MFAP1: variants seen among roughly 807,000 people sequenced by gnomAD.
The protein encoded by MFAP1 is microfibrillar-associated protein 1.
Under a neutral mutation model 62.2 loss-of-function variants are expected in MFAP1, and 18 were observed. That is an observed-to-expected ratio of 0.29 (90% CI 0.20 to 0.43). MFAP1 has a LOEUF of 0.43. Among genes scored for constraint, MFAP1 ranks in the 20% least tolerant of loss-of-function variants. MFAP1 has a pLI of 1.00. For missense variants in MFAP1, 355 were observed against 559.7 expected, an observed-to-expected ratio of 0.63 and a Z score of 3.69; for synonymous variants, 175 against 180.4, an observed-to-expected ratio of 0.97 and a Z score of 0.24.
At chr15:43,822,518 C>T (rs922351667) in intron 1 of MFAP1, among the ~76,000 whole-genome samples, 2 of 152,014 alleles carry the variant, frequency 1.3e-5, no homozygotes, top group East Asian at 1.9e-4. Flanking sequence ...GGATTACAGG[C>T]GTGCGCCATC....
chr15:43,820,133 C>T (rs566949875), intron 1 of MFAP1, among the ~76,000 whole-genome samples: 1 of 151,810 alleles, frequency 6.6e-6, no homozygotes, highest in African/African-American at 2.4e-5. Flanking sequence ...GGCAAGAGAG[C>T]GAGACTCCGT....
intron 1 of MFAP1, among the ~76,000 whole-genome samples, chr15:43,820,020 T>C (rs1396697196): frequency 1.3e-5 from 2 of 152,088 alleles, no homozygotes; most frequent in African/African-American, 4.8e-5. Context: ...TGGTGGCGAG[T>C]GCCTGTAGTC....
chr15:43,814,759 CA>C (rs2087423824), intron 3 of MFAP1, 71 bp from the exon 4 acceptor site: 1 of 1,537,482 alleles, frequency 6.5e-7, no homozygotes, highest in Non-Finnish European at 8.8e-7. Flanking sequence ...TCAAACACAA[CA>C]AATTCAAATG....
intron 2 of MFAP1, among the ~76,000 whole-genome samples, chr15:43,815,588 C>T (rs1258241186): frequency 3.3e-5 from 5 of 151,756 alleles, no homozygotes; most frequent in Admixed American, 1.3e-4. Flanking sequence ...TATGTTGAGG[C>T]ATCCTGGGGC....
intron 2 of MFAP1, among the ~76,000 whole-genome samples, chr15:43,816,230 T>TA (rs1448864174): frequency 6.9e-5 from 10 of 145,068 alleles, no homozygotes; most frequent in Admixed American, 3.0e-4. Context: ...GTAATTTTAT[T>TA]TTTTTTTCTT....
intron 1 of MFAP1, among the ~76,000 whole-genome samples, chr15:43,819,540 A>T (rs139453725): frequency 0.012 from 1,816 of 151,812 alleles, 28 homozygotes; most frequent in East Asian, 0.042. Flanking sequence ...TTATTTATTT[A>T]TTTTTTTTGA....
At chr15:43,808,451 C>A (rs2087379204) in intron 7 of MFAP1, among the ~76,000 whole-genome samples, 1 of 152,178 alleles carries the variant, frequency 6.6e-6, no homozygotes, top group African/African-American at 2.4e-5. Context: ...GGCCTTGCCT[C>A]CCAAAATGTT....
intron 1 of MFAP1, among the ~76,000 whole-genome samples, chr15:43,818,306 AC>A (rs2087446962): frequency 6.6e-6 from 1 of 152,162 alleles, no homozygotes; most frequent in African/African-American, 2.4e-5. Context: ...GGCGTGAGCC[AC>A]AGCACCCAGC....
Position 43,814,981 on chromosome 15 carries a change from G to A in MFAP1, c.393C>T (p.Asp131=). ...EGDAWRMERE[D]SSEEEEEEID... The stretch of plus-strand genomic sequence containing the variant: ...TTTCCTCCTCCTCTTCTTCACTGCT[G>A]TCTTCTCGTTCCATGCGCCAAGCAT... The change falls in exon 3 of 9, where the codon GAC becomes GAT. Residue 131 remains aspartate (D), a synonymous_variant. Transcript: ENST00000267812. 1 of 1,614,008 alleles carries A rather than the reference G, an allele frequency of 6.2e-7. No individual in the cohort carries two copies. Among genetic ancestry groups the A allele is most frequent in the Non-Finnish European group, 8.5e-7 (1 of 1,180,014 alleles).
rs192479351 is a variant in MFAP1 at position 43,817,166 on chromosome 15, C to T, written c.299+63G>A. On this transcript the variant is annotated intron_variant, in intron 2 of 8. Coordinates refer to ENST00000267812, the MANE Select transcript of MFAP1 (RefSeq NM_005926.3). ...CTTGGTAGTACTATTCAAGTATTAGCTATTATTATTATTATTAAGCTGTAG... is the reference window on the plus strand; with the variant it reads ...CTTGGTAGTACTATTCAAGTATTAGTTATTATTATTATTATTAAGCTGTAG... 6.4e-4 allele frequency: 914 copies of T among 1,428,762 alleles called. 15 individuals are homozygous for T. The East Asian group carries it at 0.016, about 25-fold the overall frequency. 88.5% of individuals were successfully genotyped at this position (1,428,762 alleles called of 1,614,324 possible). A position where few individuals can be genotyped will look rare whatever the true frequency, so the allele number is the denominator to read the frequency against.
chr15:43,819,214 C>G (rs1302834677), intron 1 of MFAP1, among the ~76,000 whole-genome samples: 1 of 151,420 alleles, frequency 6.6e-6, no homozygotes, highest in African/African-American at 2.4e-5. Flanking sequence ...CAAAACAAAA[C>G]AAAATTCCAA....
At chr15:43,814,886 C>T in intron 3 of MFAP1, 59 bp downstream of exon 3, 1 of 1,600,360 alleles carries the variant, frequency 6.2e-7, no homozygotes, top group Non-Finnish European at 8.5e-7. Flanking sequence ...AACAAATGAG[C>T]ACTGGCATGA....
At chr15:43,812,877 C>T in intron 6 of MFAP1, 110 bp downstream of exon 6, 2 of 1,281,206 alleles carry the variant, frequency 1.6e-6, no homozygotes, top group Non-Finnish European at 2.2e-6. Flanking sequence ...GCAACAAGAA[C>T]TCTGAAGGTG....
chr15:43,814,631 C>T lies in MFAP1; in HGVS notation c.487G>A (p.Glu163Lys). The T allele has an allele frequency of 6.2e-7, 1 of 1,614,176 alleles. No homozygotes were observed. The highest frequency in any genetic ancestry group is 8.5e-7 in the Non-Finnish European group (1 of 1,180,034). Residue 163 changes from glutamate (E) to lysine (K), a missense_variant, in exon 4 of 9, where the codon GAG (glutamate) becomes AAG (lysine). This residue lies in a region of MFAP1 where 257 missense variants were observed against 341.3 expected (regional missense o/e 0.75). Coordinates refer to ENST00000267812, the MANE Select transcript of MFAP1 (RefSeq NM_005926.3). Reference sequence around the variant, plus strand: ...TCTTCCACTTCCATGACTTCCATCTCTTCATTTTTTCTCTCCTGTGCTCGC... The same window carrying T: ...TCTTCCACTTCCATGACTTCCATCTTTTCATTTTTTCTCTCCTGTGCTCGC... The part of the protein sequence containing the change: ...RQRAQERKNE[E>K]MEVMEVEDEG...
intron 6 of MFAP1, among the ~76,000 whole-genome samples, chr15:43,812,100 A>C (rs1327321835): frequency 6.6e-6 from 1 of 151,964 alleles, no homozygotes; most frequent in Non-Finnish European, 1.5e-5. Context: ...TGAGGCAGGA[A>C]AATCACTTGA....
At position 43,822,200 on chromosome 15, in the gene MFAP1, C is replaced by CAA. The variant is rs779775224; in HGVS notation, c.79+2289_79+2290dup. ...GGTCAACAAGAGTGAAACTCTTTCT[C>CAA]AAAAAAAAAAAAAAAAAAAGCCCAG... is the stretch of plus-strand genomic sequence containing the variant. On this transcript the variant is annotated intron_variant, in intron 1 of 8. Transcript: ENST00000267812. Among the ~76,000 whole-genome samples the CAA allele has an allele frequency of 6.7e-3, 442 of 65,766 alleles. 8 individuals are homozygous for CAA. The highest frequency in any genetic ancestry group is 0.016 in the African/African-American group (338 of 20,730). The allele number at this position is 65,766 out of a possible 152,430, so 43.1% of individuals were successfully genotyped here. A position where few individuals can be genotyped will look rare whatever the true frequency, so the allele number is the denominator to read the frequency against.
intron 6 of MFAP1, 139 bp downstream of exon 6, chr15:43,812,848 A>G: frequency 5.9e-6 from 6 of 1,022,604 alleles, no homozygotes; most frequent in Middle Eastern, 2.7e-4. Flanking sequence ...TCATATTCCA[A>G]TTATAGGAAA....
intron 4 of MFAP1, 111 bp from the exon 5 acceptor site, chr15:43,813,468 A>G: frequency 1.1e-6 from 1 of 949,676 alleles, no homozygotes; most frequent in Non-Finnish European, 1.5e-6. Context: ...CTTTGGCTCT[A>G]TTATTTTCAA....
intron 4 of MFAP1, 121 bp from the exon 5 acceptor site, chr15:43,813,478 A>G: frequency 4.2e-6 from 4 of 943,456 alleles, no homozygotes; most frequent in Non-Finnish European, 6.1e-6. Flanking sequence ...ATTATTTTCA[A>G]AGAGCAAAAA....
Sources: allele counts gnomAD v4.1 joint callset (sites outside exome capture counted in the v4.1 genomes callset), GRCh38; gene constraint gnomAD v4.1.1; regional missense constraint gnomAD v4.1.1; transcripts MANE v1.5; gene names NCBI Gene and HGNC (gene_info 2026-07-23, HGNC 2026-07-21).